Variants in GABRG3 observed in about 807,000 individuals in gnomAD.
The protein encoded by GABRG3 is gamma-aminobutyric acid receptor subunit gamma-3.
A neutral mutation model predicts 48.8 loss-of-function variants in GABRG3; 25 were observed. The ratio of observed to expected loss-of-function variants is 0.51; its 90% CI spans 0.37 to 0.72. The LOEUF (loss-of-function observed/expected upper bound fraction) is 0.72, where lower values mean the gene tolerates loss of function less well. Ranked by LOEUF, GABRG3 falls within the 30% of genes least tolerant of loss-of-function variation. The pLI is 0.00. For synonymous variants in GABRG3, 227 were observed against 217.6 expected (o/e 1.04, Z -0.38); for missense variants, 394 against 577.9 (o/e 0.68, Z 3.26).
At chr15:27,326,503 G>C (rs6606902) in intron 3 of GABRG3, among the ~76,000 whole-genome samples, 15,131 of 152,162 alleles carry the variant, frequency 0.099, 1,893 homozygotes, top group African/African-American at 0.29. Context: ...CTTGGACTTG[G>C]GAGCCTAGGG....
chr15:27,524,989 A>G (rs926954864), intron 7 of GABRG3, among the ~76,000 whole-genome samples: 4 of 152,168 alleles, frequency 2.6e-5, no homozygotes, highest in Non-Finnish European at 5.9e-5. Context: ...TTGAAATAGG[A>G]TGACATTATT....
chr15:27,437,248 C>T (rs1376759144), intron 5 of GABRG3, among the ~76,000 whole-genome samples: 1 of 152,030 alleles, frequency 6.6e-6, no homozygotes, highest in East Asian at 1.9e-4. Context: ...TCACATGATT[C>T]AATTTATTTG....
intron 3 of GABRG3, among the ~76,000 whole-genome samples, chr15:27,321,361 C>T (rs1272396761): frequency 6.6e-6 from 1 of 152,190 alleles, no homozygotes; most frequent in African/African-American, 2.4e-5. Context: ...TTGGGAAAAC[C>T]CTTGTGCCTG....
chr15:27,512,692 A>G (rs550872396), intron 6 of GABRG3, among the ~76,000 whole-genome samples: 7 of 152,346 alleles, frequency 4.6e-5, no homozygotes, highest in Non-Finnish European at 8.8e-5. Flanking sequence ...ACACTCACAT[A>G]TGGAGGTTGT....
At chr15:27,367,925 G>A (rs1895265496) in intron 5 of GABRG3, among the ~76,000 whole-genome samples, 1 of 152,106 alleles carries the variant, frequency 6.6e-6, no homozygotes, top group Non-Finnish European at 1.5e-5. Context: ...GGGCCCAGGG[G>A]AGTTGTAGGG....
chr15:27,515,876 C>T (rs180975280), intron 6 of GABRG3, among the ~76,000 whole-genome samples: 27 of 152,244 alleles, frequency 1.8e-4, no homozygotes, highest in African/African-American at 6.5e-4. Flanking sequence ...CAGGTGGGAA[C>T]ATCTTTAGAG....
chr15:27,074,113 C>T (rs755722916), intron 3 of GABRG3, among the ~76,000 whole-genome samples: 12 of 152,150 alleles, frequency 7.9e-5, no homozygotes, highest in Admixed American at 3.3e-4. Flanking sequence ...ACCATCAGAT[C>T]TCTTGAGACT....
At chr15:27,252,753 T>G (rs1890499792) in intron 3 of GABRG3, among the ~76,000 whole-genome samples, 1 of 152,206 alleles carries the variant, frequency 6.6e-6, no homozygotes, top group Admixed American at 6.5e-5. Context: ...CTGAGATAAT[T>G]CAACCTCATC....
At chr15:27,501,171 T>C (rs892320155) in intron 6 of GABRG3, among the ~76,000 whole-genome samples, 1 of 152,136 alleles carries the variant, frequency 6.6e-6, no homozygotes, top group Non-Finnish European at 1.5e-5. Context: ...CAGGATGGTC[T>C]CGATCTCCTG....
rs74759120 is a variant in GABRG3, at chr15:27,093,996, G to C, written c.270+67175G>C. Reference sequence around the variant, plus strand: ...TGTTATTAGCAGTATTAGTCCTCCTGCCATTGTTCTGACACCTGATGTTGG... The same window carrying C: ...TGTTATTAGCAGTATTAGTCCTCCTCCCATTGTTCTGACACCTGATGTTGG... On this transcript the variant is annotated intron_variant, in intron 3 of 9. Transcript: ENST00000615808. Among the ~76,000 whole-genome samples, 252 of 152,286 alleles carry C rather than the reference G, an allele frequency of 1.7e-3. 1 individual carries two copies. The highest frequency in any genetic ancestry group is 5.9e-3 in the African/African-American group (246 of 41,554).
intron 5 of GABRG3, among the ~76,000 whole-genome samples, chr15:27,410,845 CGTGTGTGTGTGTGTGTGT>C (rs61423614): frequency 3.5e-5 from 5 of 143,630 alleles, no homozygotes; most frequent in Admixed American, 6.9e-5. Context: ...TGCGCACGCT[CGTGTGTGTGTGTGTGTGT>C]GTGTGTGTGT....
chr15:27,382,309 G>T (rs1452848255), intron 5 of GABRG3, among the ~76,000 whole-genome samples: 2 of 152,206 alleles, frequency 1.3e-5, no homozygotes, highest in African/African-American at 4.8e-5. Flanking sequence ...ACCAGATGGA[G>T]ACAAGAGGTA....
chr15:27,261,506 G>A (rs1420522508), intron 3 of GABRG3, among the ~76,000 whole-genome samples: 3 of 150,140 alleles, frequency 2.0e-5, no homozygotes, highest in Admixed American at 6.7e-5. Flanking sequence ...ACACCCTTAC[G>A]TACTACAGTA....
intron 5 of GABRG3, among the ~76,000 whole-genome samples, chr15:27,384,092 T>C (rs1432084144): frequency 6.6e-6 from 1 of 152,244 alleles, no homozygotes; most frequent in Non-Finnish European, 1.5e-5. Flanking sequence ...AAATGGGAAG[T>C]GTTTAATTTT....
At chr15:27,006,228 G>T (rs1404107390) in intron 2 of GABRG3, among the ~76,000 whole-genome samples, 1 of 151,810 alleles carries the variant, frequency 6.6e-6, no homozygotes, top group South Asian at 2.1e-4. Flanking sequence ...TTGAGACAGG[G>T]TCTCGCTTTG....
chr15:27,463,850 T>C (rs978843169), intron 5 of GABRG3, among the ~76,000 whole-genome samples: 2 of 152,180 alleles, frequency 1.3e-5, no homozygotes, highest in Admixed American at 1.3e-4. Flanking sequence ...ACTACATCAC[T>C]CCAACTTCTC....
intron 3 of GABRG3, among the ~76,000 whole-genome samples, chr15:27,310,738 G>A (rs1892967144): frequency 6.6e-6 from 1 of 152,160 alleles, no homozygotes. Context: ...TTATTAGAAA[G>A]CTACAATGAG....
At position 27,076,657 on chromosome 15, in the gene GABRG3, G is replaced by A. The variant is rs142104131; in HGVS notation, c.270+49836G>A. On this transcript the variant is annotated intron_variant, in intron 3 of 9. Transcript: ENST00000615808. ...GTCTCAAGATCATCCTGGACTTCCT[G>A]GGTGGGCCCTAATCCAATGCTGAGT... is the stretch of plus-strand genomic sequence containing the variant. 2.8e-4 allele frequency among the ~76,000 whole-genome samples: 42 copies of A among 152,202 alleles called. No individual in the cohort carries two copies. The South Asian group carries it at 5.8e-3, about 21-fold the overall frequency.
intron 3 of GABRG3, among the ~76,000 whole-genome samples, chr15:27,266,193 T>C (rs1890916391): frequency 6.7e-6 from 1 of 148,548 alleles, no homozygotes; most frequent in Non-Finnish European, 1.5e-5. Context: ...ATTTTTTTTT[T>C]CTGGAAGTTT....
Sources: gnomAD v4.1 joint callset for allele counts (sites outside exome capture counted in the v4.1 genomes callset) on GRCh38, gnomAD v4.1.1 for gene constraint, MANE v1.5 for transcripts, NCBI Gene and HGNC (gene_info 2026-07-23, HGNC 2026-07-21) for gene names.